SH3PXD2A: variants seen among roughly 807,000 people sequenced by gnomAD.
The protein encoded by SH3PXD2A is SH3 and PX domain-containing protein 2A.
Under a neutral mutation model 115.2 loss-of-function variants are expected in SH3PXD2A, and 32 were observed. That is an observed-to-expected ratio of 0.28 (90% CI 0.21 to 0.37). The LOEUF is 0.37. Among genes scored for constraint, SH3PXD2A ranks in the 10% least tolerant of loss-of-function variants. The pLI, the probability that SH3PXD2A is intolerant of heterozygous loss-of-function variation, is 1.00. For synonymous variants in SH3PXD2A, 610 were observed against 629.1 expected (o/e 0.97, Z 0.45); for missense variants, 1,328 against 1,498.7 (o/e 0.89, Z 1.88).
chr10:103,596,787 A>G lies in SH3PXD2A; in HGVS notation c.*5029T>C, dbSNP rs72852215. On this transcript the variant is annotated 3_prime_UTR_variant, in exon 15 of 15. Coordinates refer to ENST00000369774, the MANE Select transcript of SH3PXD2A (RefSeq NM_001394015.1). ...CTGCTTTGAGATTCTCAAAGACTAA[A>G]TATCTAGATGGATATACGCCAAGGG... 0.049 allele frequency: 7,446 copies of G among 152,620 alleles called. 281 individuals carry two copies. Among genetic ancestry groups the G allele is most frequent in the Middle Eastern group, 0.11 (33 of 294 alleles). 9.5% of individuals were successfully genotyped at this position (152,620 alleles called of 1,614,324 possible).
intron 5 of SH3PXD2A, among the ~76,000 whole-genome samples, chr10:103,702,613 G>GTGTGTGTGTGTGTGTGTGTGTGT (rs2037932368): frequency 6.6e-6 from 1 of 151,834 alleles, no homozygotes; most frequent in Non-Finnish European, 1.5e-5. Context: ...GTGTGTGTGT[G>GTGTGTGTGTGTGTGTGTGTGTGT]CATGCTGGGT....
chr10:103,610,797 C>T (rs929736333), intron 13 of SH3PXD2A, among the ~76,000 whole-genome samples: 18 of 152,170 alleles, frequency 1.2e-4, no homozygotes, highest in African/African-American at 4.1e-4. Context: ...AGTACTGTCC[C>T]GTCTGATAAA....
intron 2 of SH3PXD2A, among the ~76,000 whole-genome samples, chr10:103,790,815 G>A (rs2039028031): frequency 1.3e-5 from 2 of 152,238 alleles, no homozygotes; most frequent in African/African-American, 4.8e-5. Flanking sequence ...GTAGGCATGA[G>A]TGGGAGATAG....
rs562896808 is a variant in SH3PXD2A at position 103,765,672 on chromosome 10, G to A, written c.229+1422C>T. 2.9e-3 allele frequency among the ~76,000 whole-genome samples: 447 copies of A among 152,326 alleles called. 6 individuals carry two copies. Among genetic ancestry groups the A allele is most frequent in the Non-Finnish European group, 1.1e-3 (77 of 68,034 alleles). On this transcript the variant is annotated intron_variant, in intron 3 of 14. Transcript: ENST00000369774. The stretch of plus-strand genomic sequence containing the variant: ...TCATGCCCCAAGGCCAGCCTAACAC[G>A]CTGTGGCCTCAGGTTGCCTCTAGGA...
At chr10:103,713,353 G>C (rs978099947) in intron 5 of SH3PXD2A, among the ~76,000 whole-genome samples, 2 of 152,326 alleles carry the variant, frequency 1.3e-5, no homozygotes, top group South Asian at 4.1e-4. Flanking sequence ...GGTTCTGCTA[G>C]GACCTCAGAA....
At chr10:103,717,691 G>A (rs2038122481) in intron 5 of SH3PXD2A, among the ~76,000 whole-genome samples, 1 of 152,230 alleles carries the variant, frequency 6.6e-6, no homozygotes, top group Non-Finnish European at 1.5e-5. Flanking sequence ...ATTTCCACTG[G>A]ATGAGAATTT....
intron 14 of SH3PXD2A, 132 bp from the exon 15 acceptor site, chr10:103,603,921 A>T: frequency 9.7e-7 from 1 of 1,036,256 alleles, no homozygotes; most frequent in South Asian, 1.9e-5. Context: ...CGAGCCACTG[A>T]GTAAGTGGCC....
At chr10:103,725,859 AAAAT>A (rs1024438026) in intron 4 of SH3PXD2A, among the ~76,000 whole-genome samples, 2 of 151,906 alleles carry the variant, frequency 1.3e-5, no homozygotes, top group Non-Finnish European at 2.9e-5. Context: ...AATAAAAATA[AAAAT>A]AAATAAAATA....
intron 10 of SH3PXD2A, among the ~76,000 whole-genome samples, chr10:103,621,439 C>T (rs2036601819): frequency 6.6e-6 from 1 of 152,220 alleles, no homozygotes; most frequent in African/African-American, 2.4e-5. Context: ...TGATGCTGAG[C>T]CAGCCATAGG....
rs1347979569 is a variant in SH3PXD2A at position 103,666,922 on chromosome 10, C to T, written c.472+1686G>A. Among the ~76,000 whole-genome samples the T allele has an allele frequency of 1.3e-5, 2 of 152,190 alleles. No homozygotes were observed. The highest frequency in any genetic ancestry group is 2.9e-5 in the Non-Finnish European group (2 of 68,024). On this transcript the variant is annotated intron_variant, in intron 7 of 14. Transcript: ENST00000369774. This position sits in a 1 kb window ranked among gnomAD's most constrained non-coding sequence, Gnocchi z 4.5. ...GAGGCCGGGGGCTGTGTCCCTGCAA[C>T]ATGCCCCTCCCAGACCCTACCTTCA...
At chr10:103,674,941 A>G (rs1236726108) in intron 6 of SH3PXD2A, among the ~76,000 whole-genome samples, 1 of 152,206 alleles carries the variant, frequency 6.6e-6, no homozygotes, top group African/African-American at 2.4e-5. Flanking sequence ...ATCCAAGCAC[A>G]CCTGGGTGGA....
chr10:103,760,551 C>T (rs1589444446), intron 3 of SH3PXD2A, among the ~76,000 whole-genome samples: 1 of 151,014 alleles, frequency 6.6e-6, no homozygotes, highest in Admixed American at 6.6e-5. Flanking sequence ...GCCTGGGCAA[C>T]AGAGCGAGAC....
chr10:103,700,423 G>A (rs1009186996), intron 5 of SH3PXD2A, among the ~76,000 whole-genome samples: 16 of 152,150 alleles, frequency 1.1e-4, no homozygotes, highest in African/African-American at 3.1e-4. Context: ...GAGTGTGGAT[G>A]GTGGCCGCAA....
At chr10:103,747,099 G>A (rs866274773) in intron 3 of SH3PXD2A, 2 of 152,356 alleles carry the variant, frequency 1.3e-5, no homozygotes, top group South Asian at 4.1e-4. Context: ...GCTGAAAGGT[G>A]AGTGAGTGTG....
At chr10:103,739,329 T>C (rs2038417374) in intron 3 of SH3PXD2A, among the ~76,000 whole-genome samples, 1 of 152,216 alleles carries the variant, frequency 6.6e-6, no homozygotes, top group African/African-American at 2.4e-5. Context: ...GAGGAGAATT[T>C]CTGCACAAGC....
chr10:103,691,409 T>C (rs2037749787), intron 6 of SH3PXD2A, among the ~76,000 whole-genome samples: 1 of 152,062 alleles, frequency 6.6e-6, no homozygotes, highest in Non-Finnish European at 1.5e-5. Flanking sequence ...GAGCCAGAAT[T>C]TGAGCCCAGG....
intron 8 of SH3PXD2A, among the ~76,000 whole-genome samples, chr10:103,633,321 C>A (rs898852425): frequency 7.9e-5 from 12 of 151,944 alleles, no homozygotes; most frequent in Non-Finnish European, 1.6e-4. Context: ...GAGGCTGAGG[C>A]ATGAGAATCA....
At chr10:103,702,258 T>A (rs1269945474) in intron 5 of SH3PXD2A, among the ~76,000 whole-genome samples, 1 of 152,162 alleles carries the variant, frequency 6.6e-6, no homozygotes, top group Non-Finnish European at 1.5e-5. Context: ...AGTAAGAGAG[T>A]GGCAGAAGAC....
intron 6 of SH3PXD2A, among the ~76,000 whole-genome samples, chr10:103,686,591 C>T (rs2037681173): frequency 6.6e-6 from 1 of 152,128 alleles, no homozygotes; most frequent in Non-Finnish European, 1.5e-5. Flanking sequence ...AAGGGCATCA[C>T]CTCCTTGAAC....
Sources: gnomAD v4.1 joint callset for allele counts (sites outside exome capture counted in the v4.1 genomes callset) on GRCh38, gnomAD v4.1.1 for gene constraint, Gnocchi (gnomAD v3.1) non-coding constraint, MANE v1.5 for transcripts, NCBI Gene and HGNC (gene_info 2026-07-23, HGNC 2026-07-21) for gene names.